The following NHEJ1 variants were observed in gnomAD, a reference collection of about 807,000 sequenced individuals.
NHEJ1 encodes non-homologous end-joining factor 1.
In NHEJ1, 22 loss-of-function variants were observed where a neutral mutation model predicts 39.4. That is an observed-to-expected ratio of 0.56 (90% CI 0.40 to 0.80). The LOEUF is 0.80. Among genes scored for constraint, NHEJ1 ranks in the 30% least tolerant of loss-of-function variants. NHEJ1 has a pLI of 0.00. For missense variants in NHEJ1, 329 were observed against 357.1 expected, an observed-to-expected ratio of 0.92 and a Z score of 0.63; for synonymous variants, 154 against 135.6, an observed-to-expected ratio of 1.14 and a Z score of -0.94.
chr2:219,112,582 A>C (rs957682425), intron 5 of NHEJ1, among the ~76,000 whole-genome samples: 3 of 152,132 alleles, frequency 2.0e-5, no homozygotes, highest in Non-Finnish European at 2.9e-5. Flanking sequence ...CTCTTGTTGC[A>C]GGATAACAGG....
intron 5 of NHEJ1, among the ~76,000 whole-genome samples, chr2:219,129,673 T>G (rs1949558154): frequency 6.6e-6 from 1 of 152,162 alleles, no homozygotes. Context: ...CAAAATAAAA[T>G]TCATAAAGCG....
chr2:219,101,138 G>A (rs1160955526), intron 5 of NHEJ1, among the ~76,000 whole-genome samples: 1 of 152,124 alleles, frequency 6.6e-6, no homozygotes, highest in African/African-American at 2.4e-5. Context: ...TATTGGGGAT[G>A]GAGTCTTGCT....
chr2:219,080,584 CGCTTATATATATAT>C (rs776613235), intron 5 of NHEJ1, among the ~76,000 whole-genome samples: 14,594 of 80,598 alleles, frequency 0.18, 883 homozygotes, highest in Non-Finnish European at 0.2. Flanking sequence ...TATATATATA[CGCTTATATATATAT>C]GCTAATATAT....
chr2:219,141,395 G>T (rs1328155647), intron 5 of NHEJ1, among the ~76,000 whole-genome samples: 2 of 151,086 alleles, frequency 1.3e-5, no homozygotes, highest in South Asian at 4.2e-4. Flanking sequence ...AAAAAAGCAG[G>T]GGGGGAGTGG....
chr2:219,104,241 C>T (rs1949294021), intron 5 of NHEJ1, among the ~76,000 whole-genome samples: 1 of 152,148 alleles, frequency 6.6e-6, no homozygotes, highest in Non-Finnish European at 1.5e-5. Context: ...GCCCCAGGAC[C>T]AGGTACAGAC....
intron 5 of NHEJ1, among the ~76,000 whole-genome samples, chr2:219,119,395 C>T (rs970205170): frequency 1.3e-5 from 2 of 152,090 alleles, no homozygotes; most frequent in African/African-American, 4.8e-5. Flanking sequence ...TGCTGGGATC[C>T]CCCTCTCCCC....
intron 5 of NHEJ1, among the ~76,000 whole-genome samples, chr2:219,096,082 C>T (rs1949205504): frequency 6.6e-6 from 1 of 152,154 alleles, no homozygotes; most frequent in South Asian, 2.1e-4. Flanking sequence ...ACATGGTTTT[C>T]TAAGATTTCC....
At chr2:219,098,172 C>T (rs1477739715) in intron 5 of NHEJ1, among the ~76,000 whole-genome samples, 3 of 152,018 alleles carry the variant, frequency 2.0e-5, no homozygotes, top group African/African-American at 7.3e-5. Context: ...GACCCAAAAC[C>T]CCATTTAAAT....
intron 5 of NHEJ1, among the ~76,000 whole-genome samples, chr2:219,114,571 G>A (rs1177284215): frequency 6.6e-6 from 1 of 151,986 alleles, no homozygotes; most frequent in African/African-American, 2.4e-5. Context: ...ATAGAAAATG[G>A]AAGCCAAGAT....
intron 5 of NHEJ1, among the ~76,000 whole-genome samples, chr2:219,107,762 C>T (rs1949327113): frequency 6.6e-6 from 1 of 152,140 alleles, no homozygotes; most frequent in Non-Finnish European, 1.5e-5. Flanking sequence ...GGCCACAATT[C>T]TCACTCCCAG....
chr2:219,102,424 C>G (rs967124344), intron 5 of NHEJ1: 2 of 152,086 alleles, frequency 1.3e-5, no homozygotes, highest in African/African-American at 4.8e-5. Flanking sequence ...TTTAAGAATA[C>G]TGAAAACTTG....
chr2:219,127,139 A>G (rs773087170), intron 5 of NHEJ1, among the ~76,000 whole-genome samples: 1 of 152,218 alleles, frequency 6.6e-6, no homozygotes, highest in Non-Finnish European at 1.5e-5. Context: ...GCAGGGACAC[A>G]TGACCAGATT....
At chr2:219,121,138 T>C (rs1949467392) in intron 5 of NHEJ1, among the ~76,000 whole-genome samples, 2 of 151,450 alleles carry the variant, frequency 1.3e-5, no homozygotes, top group African/African-American at 4.9e-5. Flanking sequence ...CCCGGGAGGC[T>C]GAGGTTGCAG....
intron 2 of NHEJ1, 65 bp downstream of exon 2, chr2:219,158,121 C>CA: frequency 6.4e-7 from 1 of 1,572,910 alleles, no homozygotes; most frequent in Non-Finnish European, 8.7e-7. Flanking sequence ...CCTTGGGAAA[C>CA]TACAGGCCAG....
At chr2:219,093,633 T>C (rs777723734) in intron 5 of NHEJ1, among the ~76,000 whole-genome samples, 4 of 152,140 alleles carry the variant, frequency 2.6e-5, no homozygotes, top group Non-Finnish European at 4.4e-5. Flanking sequence ...CTGTTTTTAA[T>C]ACCACTAAGG....
chr2:219,159,112 C>T (rs1949885840), intron 1 of NHEJ1: 1 of 152,922 alleles, frequency 6.5e-6, no homozygotes, highest in Non-Finnish European at 1.5e-5. Context: ...ACTAGGAAAT[C>T]ATGAATACAA....
intron 3 of NHEJ1, among the ~76,000 whole-genome samples, chr2:219,152,118 A>C (rs932980899): frequency 6.6e-6 from 1 of 152,204 alleles, no homozygotes; most frequent in Non-Finnish European, 1.5e-5. Context: ...TCATCAGTCA[A>C]TTCAACAGAT....
intron 5 of NHEJ1, among the ~76,000 whole-genome samples, chr2:219,080,185 A>ACTAT (rs139528841): frequency 0.016 from 2,444 of 152,214 alleles, 69 homozygotes; most frequent in African/African-American, 0.056. Context: ...ATTCCACCTG[A>ACTAT]CTATTCTCAG....
At chr2:219,113,005 T>A (rs1949379684) in intron 5 of NHEJ1, among the ~76,000 whole-genome samples, 1 of 152,154 alleles carries the variant, frequency 6.6e-6, no homozygotes, top group Non-Finnish European at 1.5e-5. Flanking sequence ...TATGCCTTTA[T>A]GTGGTATATT....
Sources: allele counts gnomAD v4.1 joint callset (sites outside exome capture counted in the v4.1 genomes callset), GRCh38; gene constraint gnomAD v4.1.1; transcripts MANE v1.5; gene names NCBI Gene and HGNC (gene_info 2026-07-23, HGNC 2026-07-21).